The following POLA1 variants were observed in gnomAD, a reference collection of about 807,000 sequenced individuals.
POLA1 encodes DNA polymerase alpha catalytic subunit.
POLA1 carries 15 observed loss-of-function variants against 124.0 expected under a neutral mutation model. The ratio of observed to expected loss-of-function variants is 0.12; its 90% CI spans 0.08 to 0.19. The LOEUF is 0.19. Ranked by LOEUF, POLA1 falls within the 10% of genes least tolerant of loss-of-function variation. The probability of loss-of-function intolerance (pLI) is 1.00; values close to 1 mark genes in which losing one functional copy is unlikely to be tolerated. For synonymous variants in POLA1, 408 were observed against 389.4 expected, an observed-to-expected ratio of 1.05 and a Z score of -0.56; for missense variants, 886 against 1,103.4, an observed-to-expected ratio of 0.80 and a Z score of 2.79.
intron 36 of POLA1, among the ~76,000 whole-genome samples, chrX:24,934,398 G>A (rs1379956342): frequency 8.9e-6 from 1 of 112,057 alleles, no homozygotes; most frequent in African/African-American, 3.2e-5. Flanking sequence ...GACAGATTCA[G>A]CAACAACTAA....
chrX:24,853,562 C>A (rs1167839982), intron 34 of POLA1, among the ~76,000 whole-genome samples: 1 of 112,020 alleles, frequency 8.9e-6, no homozygotes, highest in Non-Finnish European at 1.9e-5. Flanking sequence ...CATATCATCA[C>A]CAGTCTCATC....
At chrX:24,814,952 G>GTTT (rs753066470) in intron 29 of POLA1, 27 bp from the exon 30 acceptor site, 9 of 866,929 alleles carry the variant, frequency 1.0e-5, no homozygotes, top group East Asian at 3.9e-5. Context: ...TGCTGTCTTT[G>GTTT]TTTTGTTTTT....
intron 36 of POLA1, among the ~76,000 whole-genome samples, chrX:24,953,182 C>A (rs2048068121): frequency 8.9e-6 from 1 of 111,880 alleles, no homozygotes; most frequent in Non-Finnish European, 1.9e-5. Flanking sequence ...AAGATGTTAG[C>A]CCCTCCCGCC....
intron 36 of POLA1, among the ~76,000 whole-genome samples, chrX:24,980,355 C>T (rs953543935): frequency 4.5e-5 from 5 of 112,091 alleles, no homozygotes; most frequent in Middle Eastern, 4.6e-3. Flanking sequence ...GTAGAAACCC[C>T]TAGGAGGAGG....
intron 26 of POLA1, among the ~76,000 whole-genome samples, chrX:24,762,084 T>G (rs1253294997): frequency 1.8e-5 from 2 of 111,938 alleles, no homozygotes; most frequent in Admixed American, 1.9e-4. Flanking sequence ...CTGCCTTTGG[T>G]TTTTCACTTG....
rs1332487188 is a variant in POLA1, at chrX:24,815,014, G to A, written c.3332G>A (p.Arg1111Gln). The A allele has an allele frequency of 7.8e-6, 9 of 1,157,265 alleles. No homozygotes were observed. Among genetic ancestry groups the A allele is most frequent in the Non-Finnish European group, 5.8e-6 (5 of 861,426 alleles). The change falls in exon 30 of 37, where the codon CGG becomes CAG. Residue 1111 changes from arginine (R) to glutamine (Q), a missense_variant. Around this residue, in one of 7 missense-constraint regions of POLA1, gnomAD observed 313 missense variants for 359.7 expected, o/e 0.87. Coordinates refer to ENST00000379068, the MANE Select transcript of POLA1 (RefSeq NM_001330360.2). ...GGCCAGATTCTTTCTGATCAAAGCCGGGACACTATAGTGGAAAACATTCAG... is the reference window on the plus strand; with the variant it reads ...GGCCAGATTCTTTCTGATCAAAGCCAGGACACTATAGTGGAAAACATTCAG... ...VIGQILSDQS[R>Q]DTIVENIQKR...
At chrX:24,917,646 G>T (rs911719681) in intron 35 of POLA1, among the ~76,000 whole-genome samples, 3 of 111,474 alleles carry the variant, frequency 2.7e-5, no homozygotes, top group Non-Finnish European at 3.8e-5. Flanking sequence ...ATCTCTTAGA[G>T]AATTACTGCT....
chrX:24,855,281 A>G (rs1601808078), intron 34 of POLA1, among the ~76,000 whole-genome samples: 2 of 111,517 alleles, frequency 1.8e-5, no homozygotes, highest in African/African-American at 6.5e-5. Flanking sequence ...CATTTTGCAA[A>G]TTTATTTTTA....
chrX:24,774,930 G>A (rs2045106939), intron 26 of POLA1, among the ~76,000 whole-genome samples: 1 of 112,122 alleles, frequency 8.9e-6, no homozygotes, highest in South Asian at 3.7e-4. Flanking sequence ...ATGAAACTTG[G>A]TATTATCTTG....
At chrX:24,868,565 T>G (rs1186091881) in intron 34 of POLA1, among the ~76,000 whole-genome samples, 1 of 112,073 alleles carries the variant, frequency 8.9e-6, no homozygotes, top group African/African-American at 3.2e-5. Context: ...TTGTTTCCAG[T>G]AGGAAGCCTG....
rs369936803 is a variant in POLA1, at chrX:24,969,207, CAAAA to C, written c.4262-26588_4262-26585del. ...TGGGTAACAGAGCAAGACTCCGTCTCAAAAAAAAAAAAAGAATCTGTAATCTAAT... is the reference window on the plus strand; with the variant it reads ...TGGGTAACAGAGCAAGACTCCGTCTCAAAAAAAAAGAATCTGTAATCTAAT... On this transcript the variant is annotated intron_variant, in intron 36 of 36. Coordinates refer to ENST00000379068, the MANE Select transcript of POLA1 (RefSeq NM_001330360.2). Among the ~76,000 whole-genome samples, 5 of 87,705 alleles carry C rather than the reference CAAAA, an allele frequency of 5.7e-5. No homozygotes were observed. In the Admixed American group the frequency reaches 6.3e-4, roughly 11 times the overall value. 76.2% of individuals were successfully genotyped at this position (87,705 alleles called of 115,157 possible). A position where few individuals can be genotyped will look rare whatever the true frequency, so the allele number is the denominator to read the frequency against.
chrX:24,721,374 A>G (rs769116299), intron 10 of POLA1, among the ~76,000 whole-genome samples: 3 of 111,997 alleles, frequency 2.7e-5, no homozygotes, highest in Non-Finnish European at 5.6e-5. Flanking sequence ...GTTCTCTCCT[A>G]TGGCACATCT....
chrX:24,778,122 G>A (rs1569306274), intron 26 of POLA1, among the ~76,000 whole-genome samples: 1 of 112,282 alleles, frequency 8.9e-6, no homozygotes. Flanking sequence ...TTTATTTGAT[G>A]TGATTTGTTA....
chrX:24,865,548 G>C (rs2046782460), intron 34 of POLA1, among the ~76,000 whole-genome samples: 1 of 111,790 alleles, frequency 8.9e-6, no homozygotes, highest in Non-Finnish European at 1.9e-5. Context: ...ATAGTAGCAT[G>C]AATAATTTAT....
intron 24 of POLA1, among the ~76,000 whole-genome samples, chrX:24,747,690 C>T (rs1932089228): frequency 9.3e-6 from 1 of 107,374 alleles, no homozygotes; most frequent in African/African-American, 3.4e-5. Context: ...ATGTTGTTCT[C>T]CAGTTTTGTT....
At chrX:24,761,624 T>C (rs1225934774) in intron 26 of POLA1, among the ~76,000 whole-genome samples, 2 of 112,288 alleles carry the variant, frequency 1.8e-5, no homozygotes, top group African/African-American at 6.5e-5. Context: ...CATGGCACGA[T>C]GTGATGGATA....
intron 35 of POLA1, among the ~76,000 whole-genome samples, chrX:24,921,066 A>G (rs2047609411): frequency 8.9e-6 from 1 of 112,318 alleles, no homozygotes; most frequent in Non-Finnish European, 1.9e-5. Flanking sequence ...CAGATCTAGT[A>G]TTATAAACAG....
intron 35 of POLA1, among the ~76,000 whole-genome samples, chrX:24,927,820 A>C (rs186520506): frequency 2.8e-4 from 32 of 112,438 alleles, no homozygotes; most frequent in Admixed American, 4.7e-4. Flanking sequence ...AGTGTGAGGA[A>C]AAAAACGCTG....
intron 26 of POLA1, 76 bp downstream of exon 26, chrX:24,749,068 C>A: frequency 2.5e-6 from 2 of 811,758 alleles, no homozygotes; most frequent in Non-Finnish European, 3.7e-6. Context: ...GTGGGAGAGT[C>A]AAGTTTATTA....
Sources: allele counts gnomAD v4.1 joint callset (sites outside exome capture counted in the v4.1 genomes callset), GRCh38; gene constraint gnomAD v4.1.1; regional missense constraint gnomAD v4.1.1; transcripts MANE v1.5; gene names NCBI Gene and HGNC (gene_info 2026-07-23, HGNC 2026-07-21).